Variants in LY75 observed in about 807,000 individuals in gnomAD.
LY75 encodes the protein lymphocyte antigen 75, also known as C-type lectin domain family 13 member B.
Under a neutral mutation model 231.7 loss-of-function variants are expected in LY75, and 185 were observed. That is an observed-to-expected ratio of 0.80 (90% CI 0.71 to 0.90). The LOEUF (loss-of-function observed/expected upper bound fraction) is 0.90. Among genes scored for constraint, LY75 ranks in the 40% least tolerant of loss-of-function variants. The pLI is 0.00. For missense variants in LY75, 1,947 were observed against 2,050.2 expected (o/e 0.95, Z 0.97); for synonymous variants, 668 against 689.0 (o/e 0.97, Z 0.48).
chr2:159,881,973 G>T, intron 7 of LY75, 151 bp downstream of exon 7: 1 of 955,552 alleles, frequency 1.0e-6, no homozygotes, highest in Non-Finnish European at 1.5e-6. Flanking sequence ...TAGACCAATT[G>T]TAGAACAGTT....
At position 159,816,819 on chromosome 2, in the gene LY75, A is replaced by T. The variant is rs1478145744; in HGVS notation, c.4367T>A (p.Leu1456His). The T allele has an allele frequency of 2.5e-6, 4 of 1,613,894 alleles. No individual in the cohort carries two copies. Among genetic ancestry groups the T allele is most frequent in the Non-Finnish European group, 3.4e-6 (4 of 1,179,812 alleles). Reference protein sequence around the residue: ...KRDGFPLWVGLSSHDGSESSF... With the variant: ...KRDGFPLWVGHSSHDGSESSF... ...AGCAAGACTTACATCATGACTTGAGAGCCCAACCCATAGTGGAAATCCATC... is the reference window on the plus strand; with the variant it reads ...AGCAAGACTTACATCATGACTTGAGTGCCCAACCCATAGTGGAAATCCATC... Residue 1456 changes from leucine to histidine, a missense_variant, in exon 30 of 35, where the codon CTC (leucine) becomes CAC (histidine). Coordinates refer to ENST00000263636, the MANE Select transcript of LY75 (RefSeq NM_002349.4).
chr2:159,899,300 TG>T (rs1686002560), intron 1 of LY75, among the ~76,000 whole-genome samples: 1 of 152,196 alleles, frequency 6.6e-6, no homozygotes, highest in South Asian at 2.1e-4. Context: ...TCCTGCTACT[TG>T]TTAGCCATAG....
At chr2:159,865,027 C>A in intron 13 of LY75, 107 bp from the exon 14 acceptor site, 1 of 979,140 alleles carries the variant, frequency 1.0e-6, no homozygotes, top group South Asian at 2.9e-5. Flanking sequence ...TTTCAAGCAA[C>A]ATAAAGAAGT....
intron 28 of LY75, among the ~76,000 whole-genome samples, chr2:159,828,424 T>C (rs1331940867): frequency 6.6e-6 from 1 of 152,110 alleles, no homozygotes; most frequent in East Asian, 1.9e-4. Flanking sequence ...TCATTAGCCA[T>C]TAGGGAAATG....
chr2:159,888,926 TAG>T (rs1261742109), intron 4 of LY75, among the ~76,000 whole-genome samples: 1 of 152,164 alleles, frequency 6.6e-6, no homozygotes, highest in African/African-American at 2.4e-5. Context: ...ATAAGGTAGT[TAG>T]ATGGGATGAA....
intron 31 of LY75, among the ~76,000 whole-genome samples, chr2:159,811,154 C>T (rs1032060328): frequency 2.6e-5 from 4 of 152,092 alleles, no homozygotes; most frequent in African/African-American, 7.2e-5. Context: ...GGATTACAGG[C>T]GTGACCCCAC....
intron 32 of LY75, among the ~76,000 whole-genome samples, chr2:159,808,886 T>C (rs1450549293): frequency 6.6e-6 from 1 of 152,196 alleles, no homozygotes. Context: ...AAGAGTTGTG[T>C]AACCTCCCAA....
At chr2:159,834,012 G>A in intron 27 of LY75, 32 bp downstream of exon 27, 1 of 1,603,556 alleles carries the variant, frequency 6.2e-7, no homozygotes, top group Non-Finnish European at 8.5e-7. Flanking sequence ...TGTCCTTATA[G>A]CAACATGAGA....
At chr2:159,875,963 G>A (rs1372801556) in intron 11 of LY75, among the ~76,000 whole-genome samples, 5 of 152,108 alleles carry the variant, frequency 3.3e-5, no homozygotes, top group Non-Finnish European at 7.4e-5. Context: ...TGCCCAGGTG[G>A]TCTGTTTCTA....
intron 12 of LY75, among the ~76,000 whole-genome samples, chr2:159,874,731 A>C (rs1473232614): frequency 6.3e-5 from 3 of 47,760 alleles, no homozygotes; most frequent in African/African-American, 2.4e-4. Context: ...TATTTTGTAA[A>C]TATATGTAAA....
intron 29 of LY75, 71 bp downstream of exon 29, chr2:159,819,655 C>T (rs1574526513): frequency 1.3e-6 from 2 of 1,501,046 alleles, no homozygotes; most frequent in East Asian, 2.3e-5. Flanking sequence ...GTATGATTCC[C>T]ACTGGTGGAA....
intron 23 of LY75, among the ~76,000 whole-genome samples, chr2:159,842,706 T>G (rs987723015): frequency 1.3e-5 from 2 of 152,176 alleles, no homozygotes; most frequent in African/African-American, 4.8e-5. Context: ...TTATTAGATT[T>G]TTATAGACTT....
rs1445027716 is a variant in LY75, at chr2:159,904,592, C to G, written c.91G>C (p.Ala31Pro). ...GGGCTGGCGTGCCCGCGGTTACCTG[C>G]GCGGCCAGAGGGCTCCGCGAGATCG... ...FFDLAEPSGR[A>P]ANDPFTIVHG... Residue 31 changes from alanine to proline, a missense_variant, in exon 1 of 35, where the codon GCA becomes CCA. Transcript: ENST00000263636. The G allele has an allele frequency of 8.6e-6, 13 of 1,507,818 alleles. No individual in the cohort carries two copies. The African/African-American group carries it at 1.0e-4, about 12-fold the overall frequency. 93.4% of individuals were successfully genotyped at this position (1,507,818 alleles called of 1,614,324 possible). A position where few individuals can be genotyped will look rare whatever the true frequency, so the allele number is the denominator to read the frequency against.
chr2:159,850,168 T>C (rs1684339773), intron 22 of LY75, 28 bp from the exon 23 acceptor site: 1 of 1,583,410 alleles, frequency 6.3e-7, no homozygotes, highest in Admixed American at 1.9e-5. Context: ...TTAAAAAGCA[T>C]TTGATTTATT....
At chr2:159,863,595 C>A (rs986071384) in intron 14 of LY75, among the ~76,000 whole-genome samples, 4 of 152,116 alleles carry the variant, frequency 2.6e-5, no homozygotes, top group Non-Finnish European at 5.9e-5. Flanking sequence ...ATCTGTATGT[C>A]TTCTTTTGAG....
At chr2:159,858,332 A>G in intron 16 of LY75, 30 bp downstream of exon 16, 1 of 1,606,864 alleles carries the variant, frequency 6.2e-7, no homozygotes, top group Non-Finnish European at 8.5e-7. Context: ...TAACATGAGA[A>G]GGTTGTGAAA....
chr2:159,842,211 A>G, intron 24 of LY75, 34 bp downstream of exon 24: 1 of 1,596,872 alleles, frequency 6.3e-7, no homozygotes, highest in South Asian at 1.1e-5. Context: ...GTAATAGCAT[A>G]AAGTACCATA....
At chr2:159,858,334 G>C (rs373282002) in intron 16 of LY75, 28 bp downstream of exon 16, 6 of 1,607,822 alleles carry the variant, frequency 3.7e-6, no homozygotes, top group Middle Eastern at 1.7e-4. Context: ...ACATGAGAAG[G>C]TTGTGAAAAG....
intron 28 of LY75, among the ~76,000 whole-genome samples, chr2:159,825,252 A>C (rs1205922022): frequency 2.0e-5 from 3 of 152,128 alleles, no homozygotes; most frequent in Non-Finnish European, 4.4e-5. Context: ...TCAAATAGAC[A>C]CAATAAAAAA....
Sources: gnomAD v4.1 joint callset for allele counts (sites outside exome capture counted in the v4.1 genomes callset) on GRCh38, gnomAD v4.1.1 for gene constraint, MANE v1.5 for transcripts, NCBI Gene and HGNC (gene_info 2026-07-23, HGNC 2026-07-21) for gene names.